Variants in CEP250 observed in about 807,000 individuals in gnomAD.
CEP250 encodes centrosomal protein 250.
CEP250 carries 242 observed loss-of-function variants against 315.7 expected under a neutral mutation model. That is an observed-to-expected ratio of 0.77 (90% CI 0.69 to 0.85). The LOEUF is 0.85. Among genes scored for constraint, CEP250 ranks in the 40% least tolerant of loss-of-function variants. The pLI, the probability that CEP250 is intolerant of heterozygous loss-of-function variation, is 0.00. For synonymous variants in CEP250, 1,088 were observed against 1,175.0 expected, an observed-to-expected ratio of 0.93 and a Z score of 1.51; for missense variants, 2,515 against 2,886.4, an observed-to-expected ratio of 0.87 and a Z score of 2.95.
At chr20:35,492,876 C>T (rs1413488048) in intron 22 of CEP250, among the ~76,000 whole-genome samples, 4 of 152,062 alleles carry the variant, frequency 2.6e-5, no homozygotes, top group South Asian at 2.1e-4. Context: ...TACAGGTGCC[C>T]GCCACCATGC....
rs1399342319 is a variant in CEP250, at chr20:35,503,105, T to A, written c.4736T>A (p.Leu1579Gln). ...TGCCAGCAAAAACTGATCAAGGAGCTGGAGGGCCAGAGGGAAACCCAGAGA... is the reference window on the plus strand; with the variant it reads ...TGCCAGCAAAAACTGATCAAGGAGCAGGAGGGCCAGAGGGAAACCCAGAGA... Reference protein sequence around the residue: ...MECQQKLIKELEGQRETQRVA... With the variant: ...MECQQKLIKEQEGQRETQRVA... Residue 1579 changes from leucine to glutamine, a missense_variant, in exon 30 of 35, where the codon CTG becomes CAG. Physicochemically the swap from Leu to Gln is moderately radical, Grantham distance 113. Transcript: ENST00000397527. This position sits in a 1 kb window ranked among gnomAD's most constrained non-coding sequence, Gnocchi z 4.2. 1 of 1,614,008 alleles carries A rather than the reference T, an allele frequency of 6.2e-7. No homozygotes were observed. The highest frequency in any genetic ancestry group is 1.3e-5 in the African/African-American group (1 of 74,910).
Position 35,497,934 on chromosome 20 carries a change from C to T in CEP250, c.3522C>T (p.Asn1174=). The change falls in exon 26 of 35, where the codon AAC becomes AAT. Residue 1174 remains asparagine, a synonymous_variant. Coordinates refer to ENST00000397527, the MANE Select transcript of CEP250 (RefSeq NM_007186.6). ...EALAAEQQPG[N]QAQAQAQLAS... ...TGGCCGCAGAGCAGCAGCCCGGGAA[C>T]CAGGCCCAGGCCCAGGCCCAGCTGG... 1 of 1,609,898 alleles carries T rather than the reference C, an allele frequency of 6.2e-7. No individual in the cohort carries two copies. Among genetic ancestry groups the T allele is most frequent in the Non-Finnish European group, 8.5e-7 (1 of 1,178,656 alleles).
At chr20:35,492,640 G>A (rs951703459) in intron 22 of CEP250, among the ~76,000 whole-genome samples, 5 of 152,232 alleles carry the variant, frequency 3.3e-5, no homozygotes, top group Admixed American at 2.0e-4. Context: ...ACTCAGGGGC[G>A]AGTGGAGCGG....
chr20:35,493,695 G>T, intron 23 of CEP250, 123 bp downstream of exon 23: 1 of 844,564 alleles, frequency 1.2e-6, no homozygotes, highest in East Asian at 3.1e-5. Context: ...GTAGATGGGT[G>T]GGCCACAGTA....
chr20:35,502,932 G>A lies in CEP250; in HGVS notation c.4563G>A (p.Arg1521=). 2 of 1,614,230 alleles carry A rather than the reference G, an allele frequency of 1.2e-6. No individual in the cohort carries two copies. Among genetic ancestry groups the A allele is most frequent in the Non-Finnish European group, 1.7e-6 (2 of 1,180,042 alleles). The change falls in exon 30 of 35, where the codon AGG becomes AGA. Residue 1521 remains arginine (R), a synonymous_variant. Transcript: ENST00000397527. ...TCGAGAAGGATCGGGAGACTCAGAG[G>A]AACGTCTTGGAGCATCAGCTTCTAG... ...RELEKDRETQ[R]NVLEHQLLEL...
intron 26 of CEP250, 139 bp from the exon 27 acceptor site, chr20:35,498,456 T>C (rs2063907831): frequency 2.9e-6 from 3 of 1,031,894 alleles, no homozygotes; most frequent in South Asian, 1.5e-5. Context: ...GGAGAAAATA[T>C]GTGATGAGTG....
chr20:35,494,789 G>A, intron 24 of CEP250, 132 bp downstream of exon 24: 1 of 974,102 alleles, frequency 1.0e-6, no homozygotes, highest in Non-Finnish European at 1.5e-6. Flanking sequence ...TAGCCATGTG[G>A]AGAGGACATG....
rs1045979544 is a variant in CEP250, at chr20:35,504,628, G to A, written c.6259G>A (p.Glu2087Lys). 31 of 1,614,166 alleles carry A rather than the reference G, an allele frequency of 1.9e-5. No individual in the cohort carries two copies. The highest frequency in any genetic ancestry group is 1.7e-4 in the Middle Eastern group (1 of 6,060). The change falls in exon 30 of 35, where the codon GAG (glutamate) becomes AAG (lysine). Residue 2087 changes from glutamate to lysine, a missense_variant. Coordinates refer to ENST00000397527, the MANE Select transcript of CEP250 (RefSeq NM_007186.6). ...GAATCTGGGGCAAGAGAGAGAAGAGGAGGAGATAAGGGGCCTTCATCAGAG... is the reference window on the plus strand; with the variant it reads ...GAATCTGGGGCAAGAGAGAGAAGAGAAGGAGATAAGGGGCCTTCATCAGAG... Reference protein sequence around the residue: ...KQNLGQEREEEEIRGLHQSVR... With the variant: ...KQNLGQEREEKEIRGLHQSVR...
In CEP250 at chr20:35,511,817, C is replaced by A; in HGVS notation, c.*191C>A. The stretch of plus-strand genomic sequence containing the variant: ...GACCCCAACTCACCTGGGAATGAGG[C>A]AAATTGCATTTGCTTGCTCCCTATG... On this transcript the variant is annotated 3_prime_UTR_variant, in exon 35 of 35. Coordinates refer to ENST00000397527, the MANE Select transcript of CEP250 (RefSeq NM_007186.6). 7.1e-7 allele frequency: 1 copy of A among 1,408,812 alleles called. No homozygotes were observed. The highest frequency in any genetic ancestry group is 9.2e-7 in the Non-Finnish European group (1 of 1,085,626). 87.3% of individuals were successfully genotyped at this position (1,408,812 alleles called of 1,614,324 possible). A position where few individuals can be genotyped will look rare whatever the true frequency, so the allele number is the denominator to read the frequency against.
In CEP250 at chr20:35,497,886, C is replaced by A. The variant is rs765946133; in HGVS notation, c.3474C>A (p.Ser1158Arg). The change falls in exon 26 of 35, where the codon AGC becomes AGA. Residue 1158 changes from serine to arginine, a missense_variant. Transcript: ENST00000397527. Reference protein sequence around the residue: ...KAAQLQLRLRSTESQLEALAA... With the variant: ...KAAQLQLRLRRTESQLEALAA... Reference sequence around the variant, plus strand: ...CCCAACTACAGCTGCGACTGCGCAGCACAGAGAGCCAGCTAGAAGCGCTGG... The same window carrying A: ...CCCAACTACAGCTGCGACTGCGCAGAACAGAGAGCCAGCTAGAAGCGCTGG... 6 of 1,604,836 alleles carry A rather than the reference C, an allele frequency of 3.7e-6. No individual in the cohort carries two copies. In the Admixed American group the frequency reaches 6.9e-5, roughly 18 times the overall value.
At position 35,496,831 on chromosome 20, in the gene CEP250, C is replaced by T. The variant is rs1196862800; in HGVS notation, c.3306+116C>T. The T allele has an allele frequency of 4.2e-6, 5 of 1,184,942 alleles. No homozygotes were observed. In the East Asian group the frequency reaches 1.3e-4, roughly 30 times the overall value. 73.4% of individuals were successfully genotyped at this position (1,184,942 alleles called of 1,614,324 possible). On this transcript the variant is annotated intron_variant, in intron 25 of 34. Coordinates refer to ENST00000397527, the MANE Select transcript of CEP250 (RefSeq NM_007186.6). ...AGGACCCATCTATTTTTCCTGATTA[C>T]AGGATAGGCTGGTGCCTCAACACCC...
chr20:35,487,150 C>T (rs2063535378), intron 20 of CEP250, among the ~76,000 whole-genome samples: 1 of 152,182 alleles, frequency 6.6e-6, no homozygotes, highest in Non-Finnish European at 1.5e-5. Context: ...TGACTGCCTT[C>T]TCCTGGAATC....
chr20:35,510,765 T>G (rs2064331934), intron 34 of CEP250, among the ~76,000 whole-genome samples: 1 of 152,158 alleles, frequency 6.6e-6, no homozygotes, highest in African/African-American at 2.4e-5. Context: ...GAGGCCAAGG[T>G]GGGCGGATCG....
At chr20:35,485,232 G>A (rs142511953) in intron 20 of CEP250, among the ~76,000 whole-genome samples, 2 of 152,078 alleles carry the variant, frequency 1.3e-5, no homozygotes, top group East Asian at 1.9e-4. Context: ...AATATTAGCC[G>A]GGTGTGGTGG....
intron 20 of CEP250, among the ~76,000 whole-genome samples, chr20:35,489,828 A>G (rs1050281617): frequency 1.3e-5 from 2 of 152,222 alleles, no homozygotes; most frequent in Non-Finnish European, 2.9e-5. Context: ...GACAGCCAGA[A>G]TTGGCCGCCT....
chr20:35,496,605 C>T lies in CEP250; in HGVS notation c.3196C>T (p.Gln1066Ter). 2 of 1,614,090 alleles carry T rather than the reference C, an allele frequency of 1.2e-6. No homozygotes were observed. Among genetic ancestry groups the T allele is most frequent in the Non-Finnish European group, 1.7e-6 (2 of 1,179,978 alleles). The stretch of plus-strand genomic sequence containing the variant: ...GACTCTCTCACTGATGGAAAAGGAA[C>T]AGAGACTCCTTGTTTTACAAGAAGC... ...SLTLSLMEKE[Q>*]RLLVLQEADS... The change falls in exon 25 of 35, where the codon CAG (glutamine) becomes TAG (stop). Residue 1066 changes from glutamine to a stop codon, truncating the protein, a stop_gained. Transcript: ENST00000397527. LOFTEE classifies it high-confidence loss of function.
intron 20 of CEP250, among the ~76,000 whole-genome samples, chr20:35,481,773 G>A (rs1001182052): frequency 3.4e-4 from 52 of 152,208 alleles, no homozygotes; most frequent in Admixed American, 1.2e-3. Flanking sequence ...TGTGATCATG[G>A]CCTACTGCAG....
rs1016638540 is a variant in CEP250 at position 35,511,665 on chromosome 20, A to G, written c.*39A>G. 1.3e-6 allele frequency: 2 copies of G among 1,584,140 alleles called. No individual in the cohort carries two copies. The highest frequency in any genetic ancestry group is 1.7e-6 in the Non-Finnish European group (2 of 1,162,912). On this transcript the variant is annotated 3_prime_UTR_variant, in exon 35 of 35. Transcript: ENST00000397527. The stretch of plus-strand genomic sequence containing the variant: ...GAGCACACAGACAGAAGACTGTGTC[A>G]TGGGTCATGGCCCCTCCGCACACCT...
At chr20:35,467,093 G>A (rs766996907) in intron 8 of CEP250, 21 bp downstream of exon 8, 21 of 1,578,282 alleles carry the variant, frequency 1.3e-5, no homozygotes, top group Non-Finnish European at 1.2e-5. Context: ...GGAGAAGAAG[G>A]GAGGAGGTTT....
Sources: allele counts gnomAD v4.1 joint callset (sites outside exome capture counted in the v4.1 genomes callset), GRCh38; gene constraint gnomAD v4.1.1; non-coding constraint Gnocchi (gnomAD v3.1); transcripts MANE v1.5; gene names NCBI Gene and HGNC (gene_info 2026-07-23, HGNC 2026-07-21).